Variants in RABGAP1L observed in about 807,000 individuals in gnomAD.
RABGAP1L encodes RAB GTPase activating protein 1 like.
RABGAP1L carries 63 observed loss-of-function variants against 137.7 expected under a neutral mutation model. The ratio of observed to expected loss-of-function variants is 0.46; its 90% CI spans 0.37 to 0.56. The LOEUF is 0.56. Ranked by LOEUF, RABGAP1L falls within the 20% of genes least tolerant of loss-of-function variation. The probability of loss-of-function intolerance (pLI) is 0.00; values close to 1 mark genes in which losing one functional copy is unlikely to be tolerated. For synonymous variants in RABGAP1L, 431 were observed against 433.7 expected (o/e 0.99, Z 0.08); for missense variants, 1,095 against 1,244.0 (o/e 0.88, Z 1.80).
intron 14 of RABGAP1L, among the ~76,000 whole-genome samples, chr1:174,638,508 C>G (rs1440861123): frequency 6.6e-6 from 1 of 151,294 alleles, no homozygotes; most frequent in Non-Finnish European, 1.5e-5. Flanking sequence ...ACTAGAAATA[C>G]CATTTGACCC....
At chr1:174,263,509 A>G (rs1444437200) in intron 7 of RABGAP1L, among the ~76,000 whole-genome samples, 1 of 152,222 alleles carries the variant, frequency 6.6e-6, no homozygotes. Context: ...ATCTAATGAT[A>G]TTAAGCAGTC....
chr1:174,409,151 C>G (rs550552276), intron 13 of RABGAP1L, among the ~76,000 whole-genome samples: 71 of 152,102 alleles, frequency 4.7e-4, no homozygotes, highest in Middle Eastern at 3.4e-3. Context: ...AGTCAGGGAC[C>G]CCGAACGGAG....
intron 14 of RABGAP1L, among the ~76,000 whole-genome samples, chr1:174,670,232 CTTTATTT>C (rs1015320592): frequency 3.3e-5 from 5 of 151,726 alleles, no homozygotes; most frequent in African/African-American, 4.8e-5. Flanking sequence ...TTTATAGCTA[CTTTATTT>C]TTTATTTTTT....
chr1:174,501,265 G>A (rs887228125), intron 13 of RABGAP1L, among the ~76,000 whole-genome samples: 1 of 149,754 alleles, frequency 6.7e-6, no homozygotes, highest in Non-Finnish European at 1.5e-5. Flanking sequence ...CCAGGCTAGA[G>A]TGCACTGGGG....
intron 14 of RABGAP1L, among the ~76,000 whole-genome samples, chr1:174,674,118 AG>A (rs950976339): frequency 5.6e-4 from 79 of 141,180 alleles, no homozygotes; most frequent in African/African-American, 2.0e-3. Context: ...TTTAAGTTTT[AG>A]GGTACATGTG....
At chr1:174,289,271 G>C (rs1345050737) in intron 10 of RABGAP1L, among the ~76,000 whole-genome samples, 1 of 152,064 alleles carries the variant, frequency 6.6e-6, no homozygotes, top group Non-Finnish European at 1.5e-5. Context: ...TTGAATTCCT[G>C]GTCTCAAGAG....
chr1:174,906,594 C>G (rs1353395524), intron 19 of RABGAP1L, among the ~76,000 whole-genome samples: 1 of 151,936 alleles, frequency 6.6e-6, no homozygotes, highest in Non-Finnish European at 1.5e-5. Flanking sequence ...CGCCACTGCA[C>G]TCTAGCCTGG....
intron 19 of RABGAP1L, among the ~76,000 whole-genome samples, chr1:174,930,012 G>GA (rs1663518087): frequency 6.8e-6 from 1 of 147,374 alleles, no homozygotes; most frequent in Admixed American, 6.8e-5. Context: ...CACCATGCCA[G>GA]ATTTTTTTTT....
At chr1:174,398,449 A>G (rs1279071385) in intron 13 of RABGAP1L, among the ~76,000 whole-genome samples, 3 of 152,118 alleles carry the variant, frequency 2.0e-5, no homozygotes, top group Non-Finnish European at 2.9e-5. Context: ...GGGGCTTACC[A>G]TGAATCATCT....
At chr1:174,481,519 G>A (rs952586407) in intron 13 of RABGAP1L, among the ~76,000 whole-genome samples, 3 of 151,980 alleles carry the variant, frequency 2.0e-5, no homozygotes, top group Non-Finnish European at 4.4e-5. Flanking sequence ...TTAAATCTTT[G>A]AGCTAAAATG....
chr1:174,817,602 C>T (rs1255074833), intron 19 of RABGAP1L, among the ~76,000 whole-genome samples: 6 of 151,978 alleles, frequency 3.9e-5, no homozygotes, highest in African/African-American at 7.3e-5. Context: ...TTGTAAACCA[C>T]GGTAAGCAAT....
At chr1:174,230,824 C>T (rs910703358) in intron 3 of RABGAP1L, among the ~76,000 whole-genome samples, 3 of 152,034 alleles carry the variant, frequency 2.0e-5, no homozygotes, top group Non-Finnish European at 1.5e-5. Flanking sequence ...CATACTTGTA[C>T]TCTATCTTTT....
At chr1:174,727,983 T>C (rs1173479721) in intron 17 of RABGAP1L, among the ~76,000 whole-genome samples, 1 of 152,242 alleles carries the variant, frequency 6.6e-6, no homozygotes, top group African/African-American at 2.4e-5. Flanking sequence ...TCTTATTCTT[T>C]ACTCTCAGCA....
chr1:174,276,140 T>C (rs61528155), intron 9 of RABGAP1L, among the ~76,000 whole-genome samples: 34,204 of 151,924 alleles, frequency 0.23, 4,097 homozygotes, highest in Admixed American at 0.25. Context: ...ATGTGAATTA[T>C]TATTATTGTT....
chr1:174,710,909 G>A (rs566754598), intron 17 of RABGAP1L, among the ~76,000 whole-genome samples: 2 of 152,240 alleles, frequency 1.3e-5, no homozygotes, highest in Non-Finnish European at 1.5e-5. Flanking sequence ...TTGGTGTGCT[G>A]TGGAGCAGGG....
At chr1:174,772,207 A>C (rs1490047247) in intron 18 of RABGAP1L, among the ~76,000 whole-genome samples, 1 of 151,942 alleles carries the variant, frequency 6.6e-6, no homozygotes, top group Non-Finnish European at 1.5e-5. Context: ...AAAAAAAACA[A>C]AAAACAAAAC....
intron 13 of RABGAP1L, among the ~76,000 whole-genome samples, chr1:174,422,307 A>G (rs903827028): frequency 3.3e-5 from 5 of 151,960 alleles, no homozygotes; most frequent in African/African-American, 4.8e-5. Flanking sequence ...TTCTCTGCCT[A>G]TTGGGTAAGA....
At chr1:174,855,029 C>T (rs1223921595) in intron 19 of RABGAP1L, among the ~76,000 whole-genome samples, 1 of 152,058 alleles carries the variant, frequency 6.6e-6, no homozygotes, top group Non-Finnish European at 1.5e-5. Flanking sequence ...TGAGCCACCA[C>T]ACCCAGCCCA....
At chr1:174,327,983 A>ATATATATATATG (rs1680629131) in intron 11 of RABGAP1L, among the ~76,000 whole-genome samples, 1 of 21,240 alleles carries the variant, frequency 4.7e-5, no homozygotes, top group African/African-American at 8.9e-4. Context: ...ATATATACAC[A>ATATATATATATG]CACATATATA....
Sources: allele counts gnomAD v4.1 joint callset (sites outside exome capture counted in the v4.1 genomes callset), GRCh38; gene constraint gnomAD v4.1.1; transcripts MANE v1.5; gene names NCBI Gene and HGNC (gene_info 2026-07-23, HGNC 2026-07-21).